The following FSTL1 variants were observed in gnomAD, a reference collection of about 807,000 sequenced individuals.
FSTL1 encodes follistatin like 1, also known as follistatin-related protein 1.
A neutral mutation model predicts 45.9 loss-of-function variants in FSTL1; 24 were observed. That is an observed-to-expected ratio of 0.52 (90% confidence interval 0.38 to 0.74). FSTL1 has a LOEUF of 0.74. Ranked by LOEUF, FSTL1 falls within the 30% of genes least tolerant of loss-of-function variation. The pLI, the probability that FSTL1 is intolerant of heterozygous loss-of-function variation, is 0.00. For synonymous variants in FSTL1, 120 were observed against 137.6 expected (o/e 0.87, Z 0.89); for missense variants, 340 against 381.8 (o/e 0.89, Z 0.91).
chr3:120,435,154 G>A (rs1298391363), intron 2 of FSTL1, among the ~76,000 whole-genome samples: 3 of 152,138 alleles, frequency 2.0e-5, no homozygotes, highest in African/African-American at 7.2e-5. Context: ...AGGAGGCAGA[G>A]GTTGCAGTGA....
At chr3:120,443,363 G>A (rs748983825) in intron 2 of FSTL1, among the ~76,000 whole-genome samples, 1 of 149,622 alleles carries the variant, frequency 6.7e-6, no homozygotes, top group African/African-American at 2.6e-5. Flanking sequence ...ACAGGGATCT[G>A]TATGGTAAGG....
Position 120,450,727 on chromosome 3 carries a change from G to T in FSTL1, c.20C>A (p.Ala7Glu). 1.3e-6 allele frequency: 1 copy of T among 797,502 alleles called. No individual in the cohort carries two copies. Among genetic ancestry groups the T allele is most frequent in the Non-Finnish European group, 2.0e-6 (1 of 506,504 alleles). 49.4% of individuals were successfully genotyped at this position (797,502 alleles called of 1,614,324 possible). A position where few individuals can be genotyped will look rare whatever the true frequency, so the allele number is the denominator to read the frequency against. The part of the protein sequence containing the change: MWKRWL[A>E]LALALVAVAW... Reference sequence around the variant, plus strand: ...GACCGCCACCAGCGCGAGCGCGAGCGCGAGCCAGCGTTTCCACATCTGCGG... The same window carrying T: ...GACCGCCACCAGCGCGAGCGCGAGCTCGAGCCAGCGTTTCCACATCTGCGG... The change falls in exon 2 of 11, where the codon GCG becomes GAG. Residue 7 changes from alanine (A) to glutamate (E), a missense_variant. Ala to Glu is a moderately radical substitution (Grantham distance 107). Coordinates refer to ENST00000295633, the MANE Select transcript of FSTL1 (RefSeq NM_007085.5).
chr3:120,429,105 C>G (rs546882892), intron 2 of FSTL1, among the ~76,000 whole-genome samples: 2 of 152,340 alleles, frequency 1.3e-5, no homozygotes, highest in African/African-American at 4.8e-5. Context: ...GCTGGCTCCT[C>G]CAGCTTGCCC....
chr3:120,437,636 C>A (rs919805588), intron 2 of FSTL1, among the ~76,000 whole-genome samples: 5 of 152,128 alleles, frequency 3.3e-5, no homozygotes, highest in Non-Finnish European at 7.4e-5. Flanking sequence ...TGCACACACA[C>A]ACACACACAT....
intron 2 of FSTL1, among the ~76,000 whole-genome samples, chr3:120,438,757 C>T (rs971073164): frequency 6.6e-6 from 1 of 152,158 alleles, no homozygotes; most frequent in Non-Finnish European, 1.5e-5. Flanking sequence ...GTGCCACTGT[C>T]TGTCCTGAGT....
At chr3:120,417,367 G>A (rs985102774) in intron 2 of FSTL1, among the ~76,000 whole-genome samples, 1 of 152,238 alleles carries the variant, frequency 6.6e-6, no homozygotes, top group Non-Finnish European at 1.5e-5. Context: ...CCCAGAGGCT[G>A]CTCTGCAAAC....
At chr3:120,412,822 G>A (rs13097588) in intron 3 of FSTL1, among the ~76,000 whole-genome samples, 24 of 41,558 alleles carry the variant, frequency 5.8e-4, no homozygotes, top group Non-Finnish European at 7.7e-4. Flanking sequence ...ACACATGTGC[G>A]CGCGCGCGCG....
At chr3:120,409,356 A>G (rs891124682) in intron 6 of FSTL1, among the ~76,000 whole-genome samples, 176 bp downstream of exon 6, 3 of 152,208 alleles carry the variant, frequency 2.0e-5, no homozygotes, top group African/African-American at 7.2e-5. Context: ...ACTCCCACTG[A>G]TCAAGCTGGT....
chr3:120,416,805 T>G (rs1937194321), intron 2 of FSTL1, among the ~76,000 whole-genome samples: 1 of 152,230 alleles, frequency 6.6e-6, no homozygotes, highest in Non-Finnish European at 1.5e-5. Context: ...CATTTGCTAG[T>G]CAGGCATTCC....
At position 120,441,612 on chromosome 3, in the gene FSTL1, C is replaced by A. The variant is rs150283341; in HGVS notation, c.63+9072G>T. On this transcript the variant is annotated intron_variant, in intron 2 of 10. Coordinates refer to ENST00000295633, the MANE Select transcript of FSTL1 (RefSeq NM_007085.5). ...AAAGAAGCAAGGAGACTTCTGTATG[C>A]CATGAACACACATATACACGTGCGT... 5.6e-3 allele frequency among the ~76,000 whole-genome samples: 853 copies of A among 152,322 alleles called. 4 individuals are homozygous for A. The highest frequency in any genetic ancestry group is 9.4e-3 in the Non-Finnish European group (642 of 68,024).
rs1393150251 is a variant in FSTL1, at chr3:120,394,966, TC to T, written c.*1985del. On this transcript the variant is annotated 3_prime_UTR_variant, in exon 11 of 11. Coordinates refer to ENST00000295633, the MANE Select transcript of FSTL1 (RefSeq NM_007085.5). Reference sequence around the variant, plus strand: ...ACAAATTGGTGTACTCTTGCCCTCCTCCCATAGTGTCCAAGGGCTGGTAAAA... The same window carrying T: ...ACAAATTGGTGTACTCTTGCCCTCCTCCATAGTGTCCAAGGGCTGGTAAAA... 2 of 152,468 alleles carry T rather than the reference TC, an allele frequency of 1.3e-5. No homozygotes were observed. The highest frequency in any genetic ancestry group is 2.9e-5 in the Non-Finnish European group (2 of 68,170). The allele number at this position is 152,468 out of a possible 1,614,324, so 9.4% of individuals were successfully genotyped here.
At chr3:120,420,525 C>T (rs1489575184) in intron 2 of FSTL1, among the ~76,000 whole-genome samples, 1 of 152,186 alleles carries the variant, frequency 6.6e-6, no homozygotes, top group Non-Finnish European at 1.5e-5. Context: ...GTGTTGCAAG[C>T]CAAGCTCTGG....
intron 2 of FSTL1, among the ~76,000 whole-genome samples, chr3:120,450,194 A>G (rs1215042195): frequency 6.6e-6 from 1 of 152,356 alleles, no homozygotes; most frequent in Admixed American, 6.5e-5. Context: ...TTCACAAAGA[A>G]GAAAATACAT....
intron 9 of FSTL1, among the ~76,000 whole-genome samples, chr3:120,401,911 G>A (rs1195758772): frequency 1.3e-5 from 2 of 152,128 alleles, no homozygotes; most frequent in South Asian, 2.1e-4. Context: ...GAAACTTTTC[G>A]GCCTGGTTCC....
intron 2 of FSTL1, among the ~76,000 whole-genome samples, chr3:120,424,375 T>G (rs55871500): frequency 0.078 from 11,910 of 152,210 alleles, 797 homozygotes; most frequent in Admixed American, 0.19. Context: ...TCTAACCTAG[T>G]TGAGCTGATG....
chr3:120,445,523 A>C (rs1261526439), intron 2 of FSTL1, among the ~76,000 whole-genome samples: 1 of 149,286 alleles, frequency 6.7e-6, no homozygotes, highest in African/African-American at 2.6e-5. Flanking sequence ...TCATGGTAAC[A>C]TACAGGTTCA....
chr3:120,408,146 C>T (rs897198669), intron 6 of FSTL1, among the ~76,000 whole-genome samples: 3 of 152,260 alleles, frequency 2.0e-5, no homozygotes, highest in Non-Finnish European at 4.4e-5. Flanking sequence ...CTTTACCATT[C>T]GCTCAGCTTT....
intron 10 of FSTL1, among the ~76,000 whole-genome samples, chr3:120,398,396 T>C (rs1355804965): frequency 6.6e-6 from 1 of 152,194 alleles, no homozygotes; most frequent in Non-Finnish European, 1.5e-5. Context: ...GCCTGAGGCC[T>C]TTCTCTGGCT....
intron 2 of FSTL1, among the ~76,000 whole-genome samples, chr3:120,439,893 C>T (rs922784833): frequency 2.6e-5 from 4 of 152,242 alleles, no homozygotes; most frequent in Non-Finnish European, 4.4e-5. Flanking sequence ...GAGGGAGGAT[C>T]GCCTAAGCCC....
Sources: allele counts gnomAD v4.1 joint callset (sites outside exome capture counted in the v4.1 genomes callset), GRCh38; gene constraint gnomAD v4.1.1; transcripts MANE v1.5; gene names NCBI Gene and HGNC (gene_info 2026-07-23, HGNC 2026-07-21).